NIPBL: variants seen among roughly 807,000 people sequenced by gnomAD.
The protein encoded by NIPBL is NIPBL cohesin loading factor, also known as nipped-B-like protein.
In NIPBL, 19 loss-of-function variants were observed where a neutral mutation model predicts 321.8. The observed-to-expected ratio is 0.06, with a 90% CI of 0.04 to 0.09. The LOEUF is 0.09. Ranked by LOEUF, NIPBL falls within the 10% of genes least tolerant of loss-of-function variation. NIPBL has a pLI of 1.00. For missense variants in NIPBL, 2,210 were observed against 3,327.0 expected, an observed-to-expected ratio of 0.66 and a Z score of 8.26; for synonymous variants, 1,106 against 1,114.1, an observed-to-expected ratio of 0.99 and a Z score of 0.14.
At chr5:36,915,652 T>A (rs144974806) in intron 1 of NIPBL, among the ~76,000 whole-genome samples, 298 of 152,312 alleles carry the variant, frequency 2.0e-3, no homozygotes, top group African/African-American at 7.0e-3. Flanking sequence ...GCTTTACATG[T>A]TTGAAGCAGG....
chr5:36,992,943 G>C (rs1203507841), intron 10 of NIPBL, among the ~76,000 whole-genome samples: 1 of 151,772 alleles, frequency 6.6e-6, no homozygotes, highest in Non-Finnish European at 1.5e-5. Flanking sequence ...GGGTTTCACT[G>C]TGTTAGCCAG....
Position 36,985,243 on chromosome 5 carries a change from A to T in NIPBL, c.2063A>T (p.Gln688Leu), listed in dbSNP as rs1218836612. ...GACACAAAACCAAATGACAACAAACAAAATAATGGCAGATCAGAAACAACA... is the reference window on the plus strand; with the variant it reads ...GACACAAAACCAAATGACAACAAACTAAATAATGGCAGATCAGAAACAACA... ...LSDTKPNDNK[Q>L]NNGRSETTKS... Residue 688 changes from glutamine (Q) to leucine (L), a missense_variant, in exon 10 of 47, where the codon CAA (glutamine) becomes CTA (leucine). Around this residue, in one of 14 missense-constraint regions of NIPBL, gnomAD observed 588 missense variants for 564.1 expected, o/e 1.04. Coordinates refer to ENST00000282516, the MANE Select transcript of NIPBL (RefSeq NM_133433.4). 6.2e-7 allele frequency: 1 copy of T among 1,613,870 alleles called. No individual in the cohort carries two copies. Among genetic ancestry groups the T allele is most frequent in the South Asian group, 1.1e-5 (1 of 91,082 alleles).
At chr5:37,030,938 T>G (rs1750938475) in intron 32 of NIPBL, among the ~76,000 whole-genome samples, 2 of 149,934 alleles carry the variant, frequency 1.3e-5, no homozygotes, top group African/African-American at 4.9e-5. Context: ...TTTTTTTTTT[T>G]TTTTTGAGAC....
intron 1 of NIPBL, among the ~76,000 whole-genome samples, chr5:36,916,755 G>T (rs564287976): frequency 5.3e-5 from 8 of 152,134 alleles, no homozygotes; most frequent in South Asian, 4.2e-4. Context: ...GCAGTGTTTG[G>T]TTTTTTGTCG....
Position 37,007,419 on chromosome 5 carries a change from G to A in NIPBL, c.4184G>A (p.Ser1395Asn). The change falls in exon 18 of 47, where the codon AGC becomes AAC. Residue 1395 changes from serine (S) to asparagine (N), a missense_variant. Physicochemically the swap from Ser to Asn is conservative, Grantham distance 46. Around this residue, in one of 14 missense-constraint regions of NIPBL, gnomAD observed 381 missense variants for 642.3 expected, o/e 0.59. Coordinates refer to ENST00000282516, the MANE Select transcript of NIPBL (RefSeq NM_133433.4). Reference protein sequence around the residue: ...MLYNKVCDIVSSLSELLEIQL... With the variant: ...MLYNKVCDIVNSLSELLEIQL... ...TATAACAAAGTTTGTGACATTGTTA[G>A]CAGCTTATCAGAATTGCTAGAGATA... 6.2e-7 allele frequency: 1 copy of A among 1,611,226 alleles called. No individual in the cohort carries two copies. The highest frequency in any genetic ancestry group is 8.5e-7 in the Non-Finnish European group (1 of 1,177,920).
At chr5:36,905,453 A>T (rs988102553) in intron 1 of NIPBL, among the ~76,000 whole-genome samples, 1 of 152,098 alleles carries the variant, frequency 6.6e-6, no homozygotes, top group African/African-American at 2.4e-5. Flanking sequence ...GGAATATACT[A>T]CCTTCTTAAA....
Position 37,006,409 on chromosome 5 carries a change from G to C in NIPBL, c.3908G>C (p.Arg1303Thr). ...TTATGGAGAGACCTTATTATGGAGA[G>C]AGTTACAAAATCAGCGGATGCTTGT... ...ERLWRDLIME[R>T]VTKSADACLT... The change falls in exon 17 of 47, where the codon AGA (arginine) becomes ACA (threonine). Residue 1303 changes from arginine (R) to threonine (T), a missense_variant. Coordinates refer to ENST00000282516, the MANE Select transcript of NIPBL (RefSeq NM_133433.4). The C allele has an allele frequency of 6.2e-7, 1 of 1,612,388 alleles. No homozygotes were observed. The highest frequency in any genetic ancestry group is 8.5e-7 in the Non-Finnish European group (1 of 1,178,614).
At chr5:37,006,303 T>C in intron 16 of NIPBL, 54 bp from the exon 17 acceptor site, 1 of 965,708 alleles carries the variant, frequency 1.0e-6, no homozygotes. Context: ...TTAATGTATA[T>C]TTTAAACCTA....
intron 1 of NIPBL, among the ~76,000 whole-genome samples, chr5:36,942,432 T>A (rs11441541): frequency 5.0e-5 from 3 of 59,778 alleles, no homozygotes; most frequent in African/African-American, 8.6e-5. Flanking sequence ...ACTCTGTCTT[T>A]AAAAAAAAAA....
chr5:36,982,772 A>G (rs1744291254), intron 9 of NIPBL, among the ~76,000 whole-genome samples: 1 of 151,840 alleles, frequency 6.6e-6, no homozygotes, highest in South Asian at 2.1e-4. Context: ...TCAGCCCTCT[A>G]AGCTATGTTA....
intron 1 of NIPBL, among the ~76,000 whole-genome samples, chr5:36,919,694 A>G (rs1448226431): frequency 6.6e-6 from 1 of 152,182 alleles, no homozygotes; most frequent in African/African-American, 2.4e-5. Flanking sequence ...ATTTTCATTT[A>G]AAAGTAAGCA....
At chr5:37,051,434 A>G in intron 40 of NIPBL, 1 of 242,394 alleles carries the variant, frequency 4.1e-6, no homozygotes, top group Non-Finnish European at 7.9e-6. Context: ...AGGCAAATTC[A>G]GTCAAGCTTT....
chr5:37,064,204 G>C (rs1755133653), intron 46 of NIPBL: 1 of 1,400,076 alleles, frequency 7.1e-7, no homozygotes, highest in Non-Finnish European at 9.3e-7. Context: ...CAGCATAAAG[G>C]GTTAATTTTT....
intron 32 of NIPBL, among the ~76,000 whole-genome samples, chr5:37,033,136 A>C (rs921840277): frequency 3.9e-5 from 6 of 152,214 alleles, no homozygotes; most frequent in African/African-American, 1.2e-4. Flanking sequence ...ATAAACAAGG[A>C]TACAATGTAA....
intron 27 of NIPBL, 21 bp downstream of exon 27, chr5:37,020,898 T>C (rs1183857613): frequency 2.0e-6 from 3 of 1,492,650 alleles, no homozygotes; most frequent in South Asian, 2.3e-5. Context: ...TAAGAATTCC[T>C]TATACAGTGA....
At chr5:36,992,742 A>G (rs1363800156) in intron 10 of NIPBL, among the ~76,000 whole-genome samples, 1 of 149,826 alleles carries the variant, frequency 6.7e-6, no homozygotes, top group Non-Finnish European at 1.5e-5. Context: ...TTATTTATTT[A>G]TTTATTTATT....
intron 26 of NIPBL, 22 bp from the exon 27 acceptor site, chr5:37,020,753 T>A (rs745319279): frequency 1.5e-5 from 24 of 1,610,200 alleles, no homozygotes; most frequent in Non-Finnish European, 2.0e-5. Context: ...AAAAATAAAT[T>A]TTTAATGACT....
chr5:37,063,640 T>C (rs970009773), intron 45 of NIPBL, 150 bp from the exon 46 acceptor site: 6 of 739,094 alleles, frequency 8.1e-6, no homozygotes, highest in Non-Finnish European at 1.1e-5. Flanking sequence ...CCTGGCTGTT[T>C]ACAGAAAATG....
chr5:37,033,425 A>T (rs1751290263), intron 32 of NIPBL, among the ~76,000 whole-genome samples: 1 of 152,004 alleles, frequency 6.6e-6, no homozygotes, highest in Non-Finnish European at 1.5e-5. Flanking sequence ...ACAATGGAAC[A>T]GGATAGAGAT....
Sources: allele counts gnomAD v4.1 joint callset (sites outside exome capture counted in the v4.1 genomes callset), GRCh38; gene constraint gnomAD v4.1.1; regional missense constraint gnomAD v4.1.1; transcripts MANE v1.5; gene names NCBI Gene and HGNC (gene_info 2026-07-23, HGNC 2026-07-21).